Variants in DAB1 observed in about 807,000 individuals in gnomAD.
DAB1 encodes the protein DAB adaptor protein 1.
In DAB1, 15 loss-of-function variants were observed where a neutral mutation model predicts 64.6. That is an observed-to-expected ratio of 0.23 (90% CI 0.16 to 0.36). The LOEUF (loss-of-function observed/expected upper bound fraction) is 0.36, where lower values mean the gene tolerates loss of function less well. Ranked by LOEUF, DAB1 falls within the 10% of genes least tolerant of loss-of-function variation. DAB1 has a pLI of 1.00. For missense variants in DAB1, 596 were observed against 706.7 expected (o/e 0.84, Z 1.78); for synonymous variants, 235 against 251.9 (o/e 0.93, Z 0.64).
intron 7 of DAB1, among the ~76,000 whole-genome samples, chr1:57,467,368 C>A (rs961868988): frequency 5.3e-5 from 8 of 152,140 alleles, no homozygotes; most frequent in Non-Finnish European, 1.0e-4. Flanking sequence ...CCTTCAGTAC[C>A]TTACTACTCA....
chr1:57,185,938 A>G (rs1164001375), intron 2 of DAB1, among the ~76,000 whole-genome samples: 1 of 152,078 alleles, frequency 6.6e-6, no homozygotes, highest in Admixed American at 6.5e-5. Context: ...TTTTAAACTC[A>G]GAAAGCCTCC....
intron 5 of DAB1, among the ~76,000 whole-genome samples, chr1:57,955,922 G>C (rs189924358): frequency 2.0e-3 from 306 of 152,282 alleles, no homozygotes; most frequent in Middle Eastern, 6.8e-3. Flanking sequence ...AAATGCACAA[G>C]GTTTGGTGGG....
At chr1:58,349,563 C>T (rs1295498214) in intron 3 of DAB1, among the ~76,000 whole-genome samples, 2 of 151,840 alleles carry the variant, frequency 1.3e-5, no homozygotes, top group African/African-American at 4.8e-5. Context: ...CACCCATAAA[C>T]CCTTCATCTA....
rs187988264 is a variant in DAB1 at position 57,994,489 on chromosome 1, C to T, written n.388-110327G>A. Among the ~76,000 whole-genome samples, 12 of 152,304 alleles carry T rather than the reference C, an allele frequency of 7.9e-5. No homozygotes were observed. In the East Asian group the frequency reaches 1.9e-3, roughly 25 times the overall value. ...GAGACTCAGAGCACAGGCCAAGCTG[C>T]TGTGAGGCCTAGATGCACAGAGCAC... On this transcript the variant is annotated intron_variant and non_coding_transcript_variant, in intron 5 of 20. Coordinates refer to the DAB1 transcript ENST00000485760.
chr1:57,054,385 T>C (rs967695178), intron 9 of DAB1, among the ~76,000 whole-genome samples: 2 of 151,344 alleles, frequency 1.3e-5, no homozygotes, highest in Non-Finnish European at 2.9e-5. Flanking sequence ...TCATGTTCAA[T>C]GGTTAACAGG....
chr1:58,499,096 C>A (rs1645853243), intron 3 of DAB1, among the ~76,000 whole-genome samples: 1 of 151,900 alleles, frequency 6.6e-6, no homozygotes, highest in South Asian at 2.1e-4. Context: ...ATGGATAAAT[C>A]TGGAGGACAT....
chr1:57,142,074 T>C (rs2100812611), intron 3 of DAB1, among the ~76,000 whole-genome samples: 1 of 152,324 alleles, frequency 6.6e-6, no homozygotes, highest in East Asian at 1.9e-4. Flanking sequence ...AAATGCTTTA[T>C]GGATTGTAAA....
intron 7 of DAB1, among the ~76,000 whole-genome samples, chr1:57,622,507 T>C (rs1268077706): frequency 6.6e-6 from 1 of 152,260 alleles, no homozygotes; most frequent in Non-Finnish European, 1.5e-5. Context: ...TGGAATGTTT[T>C]CTGTGATAAG....
At chr1:58,374,192 C>T (rs935768672) in intron 3 of DAB1, among the ~76,000 whole-genome samples, 1 of 125,538 alleles carries the variant, frequency 8.0e-6, no homozygotes, top group Non-Finnish European at 1.7e-5. Context: ...AATTAGATCC[C>T]ATTTGTCAAT....
intron 5 of DAB1, among the ~76,000 whole-genome samples, chr1:58,116,039 T>TA (rs531988046): frequency 1.7e-4 from 25 of 146,152 alleles, no homozygotes; most frequent in African/African-American, 4.2e-4. Flanking sequence ...AAAATAAAAA[T>TA]AAAAAAAAAT....
intron 3 of DAB1, among the ~76,000 whole-genome samples, chr1:58,463,099 C>G (rs964277619): frequency 3.3e-5 from 5 of 152,212 alleles, no homozygotes; most frequent in African/African-American, 1.2e-4. Context: ...ACATACGAAA[C>G]AAGTCTAAGA....
intron 6 of DAB1, among the ~76,000 whole-genome samples, chr1:57,654,787 T>C (rs963544131): frequency 7.9e-5 from 12 of 152,192 alleles, no homozygotes; most frequent in Non-Finnish European, 1.8e-4. Context: ...AAAGAGAAAA[T>C]TGATGCTCAG....
intron 2 of DAB1, among the ~76,000 whole-genome samples, chr1:57,284,838 T>C (rs1672189832): frequency 6.6e-6 from 1 of 152,088 alleles, no homozygotes; most frequent in Non-Finnish European, 1.5e-5. Context: ...ACTGAAACCA[T>C]TCTTTAACCC....
At chr1:58,348,358 TAA>T (rs1355640471) in intron 3 of DAB1, among the ~76,000 whole-genome samples, 2 of 151,994 alleles carry the variant, frequency 1.3e-5, no homozygotes, top group Non-Finnish European at 2.9e-5. Context: ...CGCAAGCCAG[TAA>T]AGAGACCAGT....
chr1:58,234,429 T>C lies in DAB1; in HGVS notation n.310-83841A>G, dbSNP rs114872119. Among the ~76,000 whole-genome samples the C allele has an allele frequency of 4.8e-3, 734 of 152,258 alleles. 6 individuals are homozygous for C. Among genetic ancestry groups the C allele is most frequent in the African/African-American group, 0.017 (699 of 41,550 alleles). On this transcript the variant is annotated intron_variant and non_coding_transcript_variant, in intron 4 of 20. Transcript: ENST00000485760. ...GCAAGAGAGCCCCACAAAAATGACA[T>C]TTCACACTGAGTGGGAAACAGCCAT...
At chr1:58,064,309 C>G (rs779240268) in intron 5 of DAB1, among the ~76,000 whole-genome samples, 1 of 152,196 alleles carries the variant, frequency 6.6e-6, no homozygotes, top group Non-Finnish European at 1.5e-5. Flanking sequence ...TTAGAGGCTG[C>G]AGTGTGCCAG....
rs1659435333 is a variant in DAB1 at position 58,225,720 on chromosome 1, C to A, written n.310-75132G>T. Among the ~76,000 whole-genome samples the A allele has an allele frequency of 4.7e-5, 7 of 149,098 alleles. No individual in the cohort carries two copies. In the Admixed American group the frequency reaches 4.8e-4, roughly 10 times the overall value. The stretch of plus-strand genomic sequence containing the variant: ...AGCAAACTATCGCAAGGACAAAAAA[C>A]CAAACACCCATGTTCTCACTCATAG... On this transcript the variant is annotated intron_variant and non_coding_transcript_variant, in intron 4 of 20. Transcript: ENST00000485760.
chr1:57,128,019 C>T (rs1046351319), intron 4 of DAB1, among the ~76,000 whole-genome samples: 20 of 151,804 alleles, frequency 1.3e-4, no homozygotes, highest in Admixed American at 5.9e-4. Context: ...TGGTGGGATG[C>T]GCCCGTAATC....
At chr1:57,142,939 C>T (rs935882295) in intron 3 of DAB1, among the ~76,000 whole-genome samples, 1 of 152,112 alleles carries the variant, frequency 6.6e-6, no homozygotes, top group Non-Finnish European at 1.5e-5. Flanking sequence ...TCTCCACTTG[C>T]CAGACTTCAT....
Sources: allele counts gnomAD v4.1 joint callset (sites outside exome capture counted in the v4.1 genomes callset), GRCh38; gene constraint gnomAD v4.1.1; transcripts MANE v1.5; gene names NCBI Gene and HGNC (gene_info 2026-07-23, HGNC 2026-07-21).